PATL1: variants seen among roughly 807,000 people sequenced by gnomAD.
PATL1 encodes protein PAT1 homolog 1.
Under a neutral mutation model 100.6 loss-of-function variants are expected in PATL1, and 32 were observed. The observed-to-expected ratio is 0.32, with a 90% CI of 0.24 to 0.43. The LOEUF (loss-of-function observed/expected upper bound fraction) is 0.43, where lower values mean the gene tolerates loss of function less well. Among genes scored for constraint, PATL1 ranks in the 20% least tolerant of loss-of-function variants. The pLI is 1.00. For missense variants in PATL1, 747 were observed against 949.9 expected (o/e 0.79, Z 2.81); for synonymous variants, 332 against 330.0 (o/e 1.01, Z -0.07).
intron 15 of PATL1, among the ~76,000 whole-genome samples, chr11:59,645,233 C>A (rs1287284245): frequency 1.5e-4 from 16 of 110,298 alleles, no homozygotes; most frequent in Admixed American, 5.2e-4. Flanking sequence ...CCCCACCTTT[C>A]CCCCCTTTCT....
intron 1 of PATL1, among the ~76,000 whole-genome samples, chr11:59,668,406 A>G (rs1176018586): frequency 5.9e-5 from 9 of 152,028 alleles, no homozygotes; most frequent in Admixed American, 5.9e-4. Context: ...CGGCAAGCCC[A>G]GGCCCCCTTC....
At chr11:59,653,085 TA>T (rs1861469704) in intron 9 of PATL1, 67 bp from the exon 10 acceptor site, 1 of 1,325,166 alleles carries the variant, frequency 7.5e-7, no homozygotes, top group Admixed American at 2.4e-5. Context: ...AACAGAGGAA[TA>T]AACCAGGCCA....
chr11:59,642,608 TG>T (rs1379065429), intron 16 of PATL1: 15 of 288,732 alleles, frequency 5.2e-5, no homozygotes, highest in Non-Finnish European at 9.0e-5. Context: ...TGGAAGCCAC[TG>T]GTAAGAATGG....
At chr11:59,668,820 G>T in intron 1 of PATL1, 61 bp downstream of exon 1, 1 of 935,118 alleles carries the variant, frequency 1.1e-6, no homozygotes, top group Non-Finnish European at 1.6e-6. Flanking sequence ...CGCGCGGAGA[G>T]AGAGTGAGGG....
chr11:59,658,855 A>G lies in PATL1; in HGVS notation c.426+11T>C. 6.5e-7 allele frequency: 1 copy of G among 1,538,470 alleles called. No homozygotes were observed. Among genetic ancestry groups the G allele is most frequent in the Admixed American group, 2.1e-5 (1 of 47,728 alleles). On this transcript the variant is annotated intron_variant, in intron 4 of 18. Coordinates refer to ENST00000300146, the MANE Select transcript of PATL1 (RefSeq NM_152716.3). ...ATTATAAATTTTATGTAAAGAGAAA[A>G]TATTTAATACCTGAGCAAGCAGTGG...
At chr11:59,646,204 T>C (rs866777387) in intron 15 of PATL1, among the ~76,000 whole-genome samples, 1 of 152,226 alleles carries the variant, frequency 6.6e-6, no homozygotes, top group Non-Finnish European at 1.5e-5. Flanking sequence ...GTTACTTTTT[T>C]AGTCTGGTCT....
intron 2 of PATL1, among the ~76,000 whole-genome samples, chr11:59,663,570 C>T (rs1479657402): frequency 2.0e-5 from 3 of 152,134 alleles, no homozygotes; most frequent in Non-Finnish European, 4.4e-5. Flanking sequence ...CACAAGGCTG[C>T]TATGAGGATT....
chr11:59,655,469 A>G, intron 8 of PATL1, 54 bp downstream of exon 8: 1 of 1,396,210 alleles, frequency 7.2e-7, no homozygotes, highest in South Asian at 1.4e-5. Context: ...CTACACATCC[A>G]CAATCAAGAG....
At position 59,656,496 on chromosome 11, in the gene PATL1, T is replaced by C; in HGVS notation, c.723+3A>G. 1 of 1,611,272 alleles carries C rather than the reference T, an allele frequency of 6.2e-7. No homozygotes were observed. On this transcript the variant is annotated splice_donor_region_variant and intron_variant, in intron 6 of 18. Transcript: ENST00000300146. ...CATTTTTGTTAGGCTTAAAGTGACA[T>C]ACCGGGACACTGCAGAGCTGGTTTG...
intron 8 of PATL1, among the ~76,000 whole-genome samples, chr11:59,654,859 C>CAAT (rs775587974): frequency 5.3e-5 from 8 of 152,174 alleles, no homozygotes; most frequent in Non-Finnish European, 5.9e-5. Context: ...AGATTACCCT[C>CAAT]AATAATGTGG....
intron 13 of PATL1, among the ~76,000 whole-genome samples, chr11:59,649,917 T>A (rs936128970): frequency 1.3e-5 from 2 of 151,486 alleles, no homozygotes; most frequent in East Asian, 3.9e-4. Context: ...AGGTTGGGAG[T>A]CCAAGACCAG....
At chr11:59,655,904 A>C in intron 7 of PATL1, 52 bp downstream of exon 7, 1 of 1,443,766 alleles carries the variant, frequency 6.9e-7, no homozygotes, top group Non-Finnish European at 9.5e-7. Flanking sequence ...TATCTAATGA[A>C]CTTTAGGAAA....
Position 59,643,040 on chromosome 11 carries a change from A to G in PATL1, c.1894-5T>C. ...ACTCAGTAAGCATGGCAGCACCTAC[A>G]AAAAACAAATAAAAGCATTATATCC... On this transcript the variant is annotated splice_polypyrimidine_tract_variant and splice_region_variant and intron_variant, in intron 15 of 18. Coordinates refer to ENST00000300146, the MANE Select transcript of PATL1 (RefSeq NM_152716.3). 1 of 1,613,376 alleles carries G rather than the reference A, an allele frequency of 6.2e-7. No individual in the cohort carries two copies. The highest frequency in any genetic ancestry group is 1.1e-5 in the South Asian group (1 of 90,982).
In PATL1 at chr11:59,638,190, T is replaced by G. The variant is rs575292282; in HGVS notation, c.*200A>C. 1.6e-4 allele frequency: 97 copies of G among 603,946 alleles called. No individual in the cohort carries two copies. Among genetic ancestry groups the G allele is most frequent in the South Asian group, 1.3e-3 (65 of 49,730 alleles). 37.4% of individuals were successfully genotyped at this position (603,946 alleles called of 1,614,324 possible). On this transcript the variant is annotated 3_prime_UTR_variant, in exon 19 of 19. Coordinates refer to ENST00000300146, the MANE Select transcript of PATL1 (RefSeq NM_152716.3). ...CAGAAGGTAAAGAAACCAGCAGAAG[T>G]ATCACCCAGCCAAATTTCATAGAGC... is the stretch of plus-strand genomic sequence containing the variant.
At chr11:59,665,398 A>T (rs550743067) in intron 2 of PATL1, among the ~76,000 whole-genome samples, 1 of 152,370 alleles carries the variant, frequency 6.6e-6, no homozygotes, top group African/African-American at 2.4e-5. Flanking sequence ...ACTACAAAAG[A>T]ATCACACACA....
intron 15 of PATL1, among the ~76,000 whole-genome samples, chr11:59,646,910 G>T (rs545456341): frequency 8.5e-4 from 129 of 152,212 alleles, no homozygotes; most frequent in African/African-American, 3.0e-3. Context: ...TCTAGATCAT[G>T]ATAAAAATTA....
chr11:59,662,135 T>C (rs559009841), intron 2 of PATL1, among the ~76,000 whole-genome samples: 59 of 152,354 alleles, frequency 3.9e-4, no homozygotes, highest in Admixed American at 1.4e-3. Context: ...AGTGGGACTT[T>C]CAAATATATA....
chr11:59,637,482 G>A lies in PATL1; in HGVS notation c.*908C>T, dbSNP rs1335138201. ...TTACTGAAGTAGTCTCAGGAAGACA[G>A]GGCAAGTGTGCAAAAAGCCACACTG... is the stretch of plus-strand genomic sequence containing the variant. On this transcript the variant is annotated 3_prime_UTR_variant, in exon 19 of 19. Transcript: ENST00000300146. 2 of 152,806 alleles carry A rather than the reference G, an allele frequency of 1.3e-5. No homozygotes were observed. The highest frequency in any genetic ancestry group is 3.4e-3 in the Middle Eastern group (1 of 296). The allele number at this position is 152,806 out of a possible 1,614,324, so 9.5% of individuals were successfully genotyped here. A position where few individuals can be genotyped will look rare whatever the true frequency, so the allele number is the denominator to read the frequency against.
Position 59,652,547 on chromosome 11 carries a change from T to TAAAAA in PATL1, c.1342_1343insTTTTT (p.Glu448ValfsTer45). 1 of 1,613,888 alleles carries TAAAAA rather than the reference T, an allele frequency of 6.2e-7. No individual in the cohort carries two copies. Among genetic ancestry groups the TAAAAA allele is most frequent in the Non-Finnish European group, 8.5e-7 (1 of 1,179,832 alleles). ...CTTCTTAGGGCCATCACCTTGTATT[T>TAAAAA]CTTCAGCAGCTGACAGTTTCTCCAG... On this transcript the variant is annotated frameshift_variant, in exon 11 of 19. Coordinates refer to ENST00000300146, the MANE Select transcript of PATL1 (RefSeq NM_152716.3). LOFTEE classifies it high-confidence loss of function.
Sources: allele counts gnomAD v4.1 joint callset (sites outside exome capture counted in the v4.1 genomes callset), GRCh38; gene constraint gnomAD v4.1.1; transcripts MANE v1.5; gene names NCBI Gene and HGNC (gene_info 2026-07-23, HGNC 2026-07-21).